Variants in LRIF1 observed in about 807,000 individuals in gnomAD.
LRIF1 encodes ligand-dependent nuclear receptor-interacting factor 1.
A neutral mutation model predicts 52.7 loss-of-function variants in LRIF1; 32 were observed. The observed-to-expected ratio is 0.61, with a 90% CI of 0.46 to 0.82. The LOEUF (loss-of-function observed/expected upper bound fraction) is 0.82. Ranked by LOEUF, LRIF1 falls within the 40% of genes least tolerant of loss-of-function variation. The pLI is 0.00. For synonymous variants in LRIF1, 323 were observed against 317.4 expected (o/e 1.02, Z -0.19); for missense variants, 887 against 892.0 (o/e 0.99, Z 0.07).
At chr1:110,938,023 A>G in the LRIF1 span, 12 of 152,224 alleles carry the variant, frequency 7.9e-5, no homozygotes, top group Admixed American at 7.9e-4. Flanking sequence ...GAAATCCAAA[A>G]TCTGAAAAGA....
At chr1:110,899,133 A>T in the LRIF1 span, 5 of 1,613,562 alleles carry the variant, frequency 3.1e-6, no homozygotes, top group East Asian at 2.2e-5. Context: ...GGTGTTGGGG[A>T]TGTCCTTTGC....
intron 1 of LRIF1, among the ~76,000 whole-genome samples, chr1:110,954,209 A>G (rs1045970066): frequency 1.3e-5 from 2 of 152,204 alleles, no homozygotes; most frequent in Non-Finnish European, 2.9e-5. Context: ...CCCGAATAAC[A>G]TTATTATATC....
the LRIF1 span, chr1:110,892,346 T>C: frequency 6.2e-7 from 1 of 1,613,300 alleles, no homozygotes; most frequent in East Asian, 2.2e-5. Flanking sequence ...TCCTTTCAGA[T>C]CTGTGGCTGC....
At chr1:110,885,394 T>C in the LRIF1 span, among the ~76,000 whole-genome samples, 3 of 152,014 alleles carry the variant, frequency 2.0e-5, no homozygotes, top group Non-Finnish European at 2.9e-5. Flanking sequence ...AAAAATTAGC[T>C]GGACGTGGTG....
chr1:110,919,416 C>T, the LRIF1 span, among the ~76,000 whole-genome samples: 25 of 149,730 alleles, frequency 1.7e-4, no homozygotes, highest in Middle Eastern at 3.4e-3. Flanking sequence ...CCTCAAACAT[C>T]GGACTCCTAG....
intron 1 of LRIF1, among the ~76,000 whole-genome samples, chr1:110,953,962 T>C (rs1396405723): frequency 1.3e-5 from 2 of 152,230 alleles, no homozygotes; most frequent in Admixed American, 6.5e-5. Flanking sequence ...TGTTTGTCTA[T>C]AGACTGTCTC....
At chr1:110,911,929 C>G in the LRIF1 span, among the ~76,000 whole-genome samples, 1 of 152,134 alleles carries the variant, frequency 6.6e-6, no homozygotes, top group East Asian at 1.9e-4. Flanking sequence ...GAAGCATTCC[C>G]CTTGAGAACC....
intron 1 of LRIF1, among the ~76,000 whole-genome samples, chr1:110,960,439 C>G (rs916801735): frequency 4.6e-5 from 7 of 152,182 alleles, no homozygotes; most frequent in Admixed American, 2.6e-4. Context: ...AAACCCCCTG[C>G]TGAGAACACT....
chr1:110,962,437 T>C (rs1658999284), intron 1 of LRIF1, among the ~76,000 whole-genome samples: 1 of 152,204 alleles, frequency 6.6e-6, no homozygotes. Context: ...CCTTTTATAA[T>C]ATTGCTTTTA....
At chr1:110,930,344 C>T in the LRIF1 span, among the ~76,000 whole-genome samples, 3 of 152,222 alleles carry the variant, frequency 2.0e-5, no homozygotes, top group Admixed American at 6.5e-5. Context: ...CAATGAAACA[C>T]GGATTGGATG....
the LRIF1 span, among the ~76,000 whole-genome samples, chr1:110,900,996 T>G: frequency 3.9e-5 from 6 of 152,082 alleles, no homozygotes; most frequent in African/African-American, 1.2e-4. Context: ...GAGAAAGGAA[T>G]AGAGAAAAAC....
At chr1:110,902,495 T>TAAAAAA in the LRIF1 span, among the ~76,000 whole-genome samples, 15 of 72,654 alleles carry the variant, frequency 2.1e-4, no homozygotes, top group South Asian at 5.3e-4. Context: ...AATCAATCAC[T>TAAAAAA]AAAAAAAAAA....
chr1:110,915,134 A>G, the LRIF1 span, among the ~76,000 whole-genome samples: 4 of 152,234 alleles, frequency 2.6e-5, no homozygotes, highest in African/African-American at 9.6e-5. Flanking sequence ...AGCTACAAAT[A>G]TTTCTAACAA....
At chr1:110,900,335 C>T in the LRIF1 span, among the ~76,000 whole-genome samples, 4 of 152,098 alleles carry the variant, frequency 2.6e-5, no homozygotes, top group Admixed American at 6.5e-5. Flanking sequence ...GCATGAGATT[C>T]GGCACCCAAA....
the LRIF1 span, among the ~76,000 whole-genome samples, chr1:110,921,123 A>G: frequency 6.6e-6 from 1 of 152,204 alleles, no homozygotes; most frequent in Non-Finnish European, 1.5e-5. Flanking sequence ...ATTCCCAGAC[A>G]ATAACATTTG....
At chr1:110,916,404 TATGTGTGGTTAC>T in the LRIF1 span, among the ~76,000 whole-genome samples, 1 of 152,138 alleles carries the variant, frequency 6.6e-6, no homozygotes, top group Non-Finnish European at 1.5e-5. Context: ...TAATATTAAA[TATGTGTGGTTAC>T]ATGAACTAAT....
At chr1:110,892,679 G>A in the LRIF1 span, 4 of 693,900 alleles carry the variant, frequency 5.8e-6, no homozygotes, top group Non-Finnish European at 1.0e-5. Context: ...AGTCTGCCCA[G>A]ACCAATAGTA....
chr1:110,891,538 A>T, the LRIF1 span: 9 of 1,227,756 alleles, frequency 7.3e-6, no homozygotes, highest in Non-Finnish European at 9.6e-6. Context: ...TCATTCCTCT[A>T]CTGAAGAGGC....
At chr1:110,942,005 T>C in the LRIF1 span, 1 of 152,244 alleles carries the variant, frequency 6.6e-6, no homozygotes, top group Non-Finnish European at 1.5e-5. Context: ...GCTTTTTTCA[T>C]TTGACAGTCC....
Sources: gnomAD v4.1 joint callset for allele counts (sites outside exome capture counted in the v4.1 genomes callset) on GRCh38, gnomAD v4.1.1 for gene constraint, MANE v1.5 for transcripts, NCBI Gene and HGNC (gene_info 2026-07-23, HGNC 2026-07-21) for gene names.